The following WDPCP variants were observed in gnomAD, a reference collection of about 807,000 sequenced individuals.
WDPCP encodes WD repeat-containing and planar cell polarity effector protein fritz homolog.
A neutral mutation model predicts 93.1 loss-of-function variants in WDPCP; 71 were observed. The ratio of observed to expected loss-of-function variants is 0.76; its 90% CI spans 0.63 to 0.93. The LOEUF (loss-of-function observed/expected upper bound fraction) is 0.93, where lower values mean the gene tolerates loss of function less well. Ranked by LOEUF, WDPCP falls within the 40% of genes least tolerant of loss-of-function variation. WDPCP has a pLI of 0.00. For synonymous variants in WDPCP, 315 were observed against 315.0 expected (o/e 1.00, Z 0.00); for missense variants, 844 against 887.4 (o/e 0.95, Z 0.62).
chr2:63,134,381 C>T (rs1025131), intron 17 of WDPCP, among the ~76,000 whole-genome samples: 43,162 of 152,084 alleles, frequency 0.28, 7,438 homozygotes, highest in East Asian at 0.51. Flanking sequence ...AATACCCACT[C>T]GGCATGTAAA....
rs568567918 is a variant in WDPCP, at chr2:63,549,667, G to A, written c.75+38530C>T. Among the ~76,000 whole-genome samples the A allele has an allele frequency of 9.2e-5, 14 of 152,280 alleles. No homozygotes were observed. The East Asian group carries it at 2.7e-3, about 29-fold the overall frequency. ...TGTAATCCCAGCTACTCGGGAGGCT[G>A]AGGCAGGAGAATCACTTGAACCAGG... On this transcript the variant is annotated intron_variant, in intron 1 of 17. Coordinates refer to ENST00000272321, the MANE Select transcript of WDPCP (RefSeq NM_015910.7).
chr2:63,286,205 TG>T (rs1683989223), intron 13 of WDPCP, among the ~76,000 whole-genome samples: 1 of 152,146 alleles, frequency 6.6e-6, no homozygotes, highest in Non-Finnish European at 1.5e-5. Flanking sequence ...ATATCTGGAT[TG>T]TCAGGCCTCT....
chr2:63,328,458 C>T (rs1687734284), intron 12 of WDPCP, among the ~76,000 whole-genome samples: 1 of 152,156 alleles, frequency 6.6e-6, no homozygotes, highest in Non-Finnish European at 1.5e-5. Context: ...CACAAATCCA[C>T]CGGGAGGAAC....
chr2:63,191,077 T>G (rs1000602787), intron 14 of WDPCP, among the ~76,000 whole-genome samples: 7 of 152,340 alleles, frequency 4.6e-5, no homozygotes, highest in Admixed American at 4.6e-4. Flanking sequence ...CTATTTTGAA[T>G]TATTTACCAA....
At chr2:63,769,214 G>C (rs1670189879) in intron 2 of WDPCP, among the ~76,000 whole-genome samples, 1 of 151,914 alleles carries the variant, frequency 6.6e-6, no homozygotes, top group Non-Finnish European at 1.5e-5. Context: ...CAGTGGGTAT[G>C]TATTATGTAG....
chr2:63,220,154 G>C (rs1677697267), intron 14 of WDPCP, among the ~76,000 whole-genome samples: 1 of 152,226 alleles, frequency 6.6e-6, no homozygotes, highest in African/African-American at 2.4e-5. Flanking sequence ...GCTGAAGCCA[G>C]ATTTTAAGCC....
chr2:63,797,536 TG>T (rs1158117185), intron 2 of WDPCP, among the ~76,000 whole-genome samples: 1 of 151,954 alleles, frequency 6.6e-6, no homozygotes, highest in Non-Finnish European at 1.5e-5. Context: ...AGCCACTCTC[TG>T]TCTTTTGATT....
rs531068202 is a variant in WDPCP, at chr2:63,120,675, C to T, written c.*1331G>A. On this transcript the variant is annotated 3_prime_UTR_variant, in exon 18 of 18. Transcript: ENST00000272321. ...CCAAGTAGTTGGGACTACAGGTGCA[C>T]GCCACCACGCCCGGCTAATTTTTTT... is the stretch of plus-strand genomic sequence containing the variant. Among the ~76,000 whole-genome samples, 23 of 151,062 alleles carry T rather than the reference C, an allele frequency of 1.5e-4. No homozygotes were observed. The highest frequency in any genetic ancestry group is 3.6e-4 in the African/African-American group (15 of 41,242).
intron 3 of WDPCP, chr2:63,594,778 G>T: frequency 2.0e-6 from 1 of 502,634 alleles, no homozygotes; most frequent in South Asian, 2.3e-5. Context: ...AAAACACTTT[G>T]CAAATGAGAA....
chr2:63,417,576 G>C (rs1341950033), intron 9 of WDPCP, among the ~76,000 whole-genome samples: 1 of 151,296 alleles, frequency 6.6e-6, no homozygotes, highest in Non-Finnish European at 1.5e-5. Context: ...TATGATAAAG[G>C]TATCATGTAC....
chr2:63,440,663 G>C (rs570039982), intron 6 of WDPCP: 1 of 152,584 alleles, frequency 6.6e-6, no homozygotes, highest in Admixed American at 6.6e-5. Context: ...GCGTATGCTT[G>C]TTATCTATGA....
intron 13 of WDPCP, among the ~76,000 whole-genome samples, chr2:63,278,920 C>T (rs1683291578): frequency 6.6e-6 from 1 of 152,132 alleles, no homozygotes; most frequent in Non-Finnish European, 1.5e-5. Flanking sequence ...AAATATACAA[C>T]CCTCCTAGAT....
chr2:63,500,452 G>T (rs1446567), intron 1 of WDPCP, among the ~76,000 whole-genome samples: 17 of 22,314 alleles, frequency 7.6e-4, no homozygotes, highest in African/African-American at 2.8e-3. Context: ...AAATGGTGTG[G>T]GGGTGTGTGT....
At chr2:63,647,518 A>G (rs186872533) in intron 3 of WDPCP, among the ~76,000 whole-genome samples, 166 of 152,296 alleles carry the variant, frequency 1.1e-3, no homozygotes, top group African/African-American at 3.4e-3. Context: ...AAAAAAGCCA[A>G]TCCCCAAAGG....
At chr2:63,238,380 C>T (rs941291333) in intron 14 of WDPCP, among the ~76,000 whole-genome samples, 1 of 151,940 alleles carries the variant, frequency 6.6e-6, no homozygotes, top group Non-Finnish European at 1.5e-5. Context: ...TGGGGAACTA[C>T]ATTTTAAAAT....
At chr2:63,826,351 A>G (rs1671114377) in intron 1 of WDPCP, among the ~76,000 whole-genome samples, 1 of 151,430 alleles carries the variant, frequency 6.6e-6, no homozygotes, top group Non-Finnish European at 1.5e-5. Flanking sequence ...ATTTGGCAAT[A>G]TATATTAAAA....
chr2:63,439,891 G>A lies in WDPCP; in HGVS notation c.385-20C>T, dbSNP rs775157565. 6.4e-7 allele frequency: 1 copy of A among 1,570,342 alleles called. No individual in the cohort carries two copies. The highest frequency in any genetic ancestry group is 2.2e-5 in the East Asian group (1 of 44,636). ...AAGGAGCTAAAACCAGGTAAGTGGG[G>A]GAGAGAGGGAGGAAGACATGCTGTG... On this transcript the variant is annotated intron_variant, in intron 6 of 17. Transcript: ENST00000272321.
chr2:63,342,533 A>G (rs2104468982), intron 12 of WDPCP, among the ~76,000 whole-genome samples: 1 of 152,038 alleles, frequency 6.6e-6, no homozygotes, highest in South Asian at 2.1e-4. Flanking sequence ...ATTTTTAGTT[A>G]TTTTCTTAGC....
chr2:63,796,237 A>T (rs1575775371), intron 2 of WDPCP, among the ~76,000 whole-genome samples: 1 of 152,242 alleles, frequency 6.6e-6, no homozygotes, highest in Non-Finnish European at 1.5e-5. Flanking sequence ...AAGAAGAGGA[A>T]AACAATGGAA....
Sources: allele counts gnomAD v4.1 joint callset (sites outside exome capture counted in the v4.1 genomes callset), GRCh38; gene constraint gnomAD v4.1.1; transcripts MANE v1.5; gene names NCBI Gene and HGNC (gene_info 2026-07-23, HGNC 2026-07-21).